Variants in ZNF385D observed in about 807,000 individuals in gnomAD.
ZNF385D encodes zinc finger protein 659.
A neutral mutation model predicts 35.8 loss-of-function variants in ZNF385D; 15 were observed. That is an observed-to-expected ratio of 0.42 (90% confidence interval 0.28 to 0.64). ZNF385D has a LOEUF of 0.64. ZNF385D is among the 30% of genes least tolerant of loss of function. ZNF385D has a pLI of 0.23. For synonymous variants in ZNF385D, 212 were observed against 186.8 expected (o/e 1.13, Z -1.10); for missense variants, 474 against 494.6 (o/e 0.96, Z 0.39).
chr3:22,103,537 A>G (rs956850339), intron 3 of ZNF385D, among the ~76,000 whole-genome samples: 2 of 152,080 alleles, frequency 1.3e-5, no homozygotes, highest in East Asian at 3.9e-4. Context: ...ATTATCTTCA[A>G]TCATTAACTT....
chr3:21,751,111 C>T lies in ZNF385D; in HGVS notation c.-195G>A, dbSNP rs2070058294. ...GCCTTTCCAGGGCTAAGATCCCCGGCGGCTGGAGAGTGCGCTCGGGCTGCC... is the reference window on the plus strand; with the variant it reads ...GCCTTTCCAGGGCTAAGATCCCCGGTGGCTGGAGAGTGCGCTCGGGCTGCC... On this transcript the variant is annotated 5_prime_UTR_variant, in exon 1 of 8. Transcript: ENST00000281523. 1.4e-6 allele frequency: 2 copies of T among 1,469,636 alleles called. No homozygotes were observed. The highest frequency in any genetic ancestry group is 1.8e-6 in the Non-Finnish European group (2 of 1,110,248). 91.0% of individuals were successfully genotyped at this position (1,469,636 alleles called of 1,614,324 possible). A position where few individuals can be genotyped will look rare whatever the true frequency, so the allele number is the denominator to read the frequency against.
intron 1 of ZNF385D, among the ~76,000 whole-genome samples, chr3:21,727,608 G>T (rs149502789): frequency 1.3e-5 from 2 of 152,014 alleles, no homozygotes; most frequent in African/African-American, 4.8e-5. Flanking sequence ...AATCAAAACC[G>T]CAATGAGATA....
chr3:21,987,155 T>A (rs1694853053), intron 3 of ZNF385D, among the ~76,000 whole-genome samples: 6 of 134,450 alleles, frequency 4.5e-5, no homozygotes. Flanking sequence ...ATTGGAGAAT[T>A]TAGTCCATTT....
intron 2 of ZNF385D, among the ~76,000 whole-genome samples, chr3:21,586,478 T>C (rs887016947): frequency 1.3e-5 from 2 of 152,208 alleles, no homozygotes; most frequent in African/African-American, 4.8e-5. Flanking sequence ...CCAATGCTTA[T>C]GGTCATGATG....
intron 3 of ZNF385D, among the ~76,000 whole-genome samples, chr3:21,790,019 C>A (rs991169589): frequency 1.3e-5 from 2 of 152,092 alleles, no homozygotes; most frequent in Non-Finnish European, 2.9e-5. Context: ...TACATGAAAT[C>A]TTCAGTAACT....
chr3:22,174,994 C>G (rs190243211), intron 2 of ZNF385D, among the ~76,000 whole-genome samples: 48 of 151,996 alleles, frequency 3.2e-4, no homozygotes, highest in Admixed American at 2.4e-3. Context: ...TCCACCAATA[C>G]TGACTTCCTT....
At chr3:22,127,756 C>T (rs1039333078) in intron 3 of ZNF385D, among the ~76,000 whole-genome samples, 2 of 152,060 alleles carry the variant, frequency 1.3e-5, no homozygotes, top group African/African-American at 2.4e-5. Flanking sequence ...AGAAACTAAA[C>T]AAGCAAAGGA....
At chr3:22,120,039 A>G (rs926397404) in intron 3 of ZNF385D, among the ~76,000 whole-genome samples, 7 of 149,318 alleles carry the variant, frequency 4.7e-5, no homozygotes, top group African/African-American at 1.7e-4. Context: ...TATCTTGACC[A>G]GATTAGTCTT....
At chr3:21,601,107 A>G (rs983078161) in intron 2 of ZNF385D, among the ~76,000 whole-genome samples, 2 of 152,324 alleles carry the variant, frequency 1.3e-5, no homozygotes, top group East Asian at 1.9e-4. Context: ...ATTTTTCACT[A>G]TGCATGTGAA....
intron 4 of ZNF385D, among the ~76,000 whole-genome samples, chr3:21,492,841 A>T (rs922842250): frequency 1.3e-5 from 2 of 151,210 alleles, no homozygotes; most frequent in Non-Finnish European, 2.9e-5. Context: ...ACTGAGAAAA[A>T]CTATCTGACC....
At chr3:21,525,741 T>A (rs1003265403) in intron 3 of ZNF385D, among the ~76,000 whole-genome samples, 2 of 150,418 alleles carry the variant, frequency 1.3e-5, no homozygotes, top group East Asian at 1.9e-4. Flanking sequence ...CATTAAAAAA[T>A]TTTTTAGACC....
At chr3:21,607,985 T>C (rs1460876135) in intron 2 of ZNF385D, among the ~76,000 whole-genome samples, 1 of 151,968 alleles carries the variant, frequency 6.6e-6, no homozygotes, top group Non-Finnish European at 1.5e-5. Flanking sequence ...CAAATAACCG[T>C]AATGAAAAGA....
chr3:21,940,445 A>G (rs9867166), intron 3 of ZNF385D, among the ~76,000 whole-genome samples: 11,015 of 152,228 alleles, frequency 0.072, 1,318 homozygotes, highest in African/African-American at 0.25. Context: ...GTAAAGCACT[A>G]TTTTTTACAA....
chr3:21,715,167 A>T (rs1286402674), intron 1 of ZNF385D, among the ~76,000 whole-genome samples: 2 of 152,144 alleles, frequency 1.3e-5, no homozygotes, highest in Admixed American at 6.5e-5. Context: ...TGGTCAATTC[A>T]AGACTTTCAG....
chr3:22,068,151 C>G (rs181514303), intron 3 of ZNF385D, among the ~76,000 whole-genome samples: 1 of 152,166 alleles, frequency 6.6e-6, no homozygotes, highest in African/African-American at 2.4e-5. Flanking sequence ...TCATTTATTA[C>G]GGTTCATCTG....
At chr3:21,717,078 A>T (rs1013986877) in intron 1 of ZNF385D, among the ~76,000 whole-genome samples, 1 of 152,178 alleles carries the variant, frequency 6.6e-6, no homozygotes, top group Non-Finnish European at 1.5e-5. Context: ...GGTTGCAGAG[A>T]GCCAAGATTG....
At chr3:21,958,771 C>G (rs909211585) in intron 3 of ZNF385D, 1 of 81,226 alleles carries the variant, frequency 1.2e-5, no homozygotes, top group Non-Finnish European at 3.0e-5. Context: ...GGATAGCAAT[C>G]AGAGAATTTT....
intron 3 of ZNF385D, among the ~76,000 whole-genome samples, chr3:21,863,377 G>A (rs1354064526): frequency 1.3e-5 from 2 of 152,072 alleles, no homozygotes; most frequent in African/African-American, 4.8e-5. Flanking sequence ...CTGAGCCACT[G>A]TAGGCAGTCA....
At chr3:21,938,516 C>T (rs941588928) in intron 3 of ZNF385D, among the ~76,000 whole-genome samples, 4 of 152,160 alleles carry the variant, frequency 2.6e-5, no homozygotes, top group Admixed American at 1.3e-4. Flanking sequence ...ACATATACTG[C>T]CCAGATGATA....
Sources: allele counts gnomAD v4.1 joint callset (sites outside exome capture counted in the v4.1 genomes callset), GRCh38; gene constraint gnomAD v4.1.1; transcripts MANE v1.5; gene names NCBI Gene and HGNC (gene_info 2026-07-23, HGNC 2026-07-21).